ST18: variants seen among roughly 807,000 people sequenced by gnomAD.
ST18 encodes ST18 C2H2C-type zinc finger transcription factor.
ST18 carries 50 observed loss-of-function variants against 110.0 expected under a neutral mutation model. The observed-to-expected ratio is 0.45, with a 90% confidence interval of 0.36 to 0.58. The LOEUF is 0.58. ST18 is among the 20% of genes least tolerant of loss of function. The pLI is 0.00. For synonymous variants in ST18, 461 were observed against 452.4 expected, an observed-to-expected ratio of 1.02 and a Z score of -0.24; for missense variants, 1,306 against 1,280.1, an observed-to-expected ratio of 1.02 and a Z score of -0.31.
At chr8:52,344,106 A>T (rs941579844) in intron 2 of ST18, among the ~76,000 whole-genome samples, 4 of 152,230 alleles carry the variant, frequency 2.6e-5, no homozygotes, top group African/African-American at 9.6e-5. Flanking sequence ...ATACTAAGGT[A>T]CGAAATCAAT....
At position 52,242,504 on chromosome 8, in the gene ST18, C is replaced by A. The variant is rs989991852; in HGVS notation, c.-464-12427G>T. ...GCTGACCTTACCTTATAGACTGTCG[C>A]CTTGGTGACATTGTGAGAATGAAAA... On this transcript the variant is annotated intron_variant, in intron 2 of 25. Coordinates refer to ENST00000689386, the MANE Select transcript of ST18 (RefSeq NM_001352837.2). Among the ~76,000 whole-genome samples the A allele has an allele frequency of 1.2e-4, 19 of 152,228 alleles. 1 individual carries two copies. In the East Asian group the frequency reaches 3.7e-3, roughly 29 times the overall value.
intron 12 of ST18, 101 bp downstream of exon 12, chr8:52,165,034 G>A (rs567422839): frequency 5.4e-6 from 6 of 1,103,990 alleles, no homozygotes; most frequent in African/African-American, 1.5e-5. Context: ...GGACAGTGAT[G>A]CAGCAATTTT....
chr8:52,148,286 G>T (rs932540125), intron 16 of ST18, among the ~76,000 whole-genome samples: 1 of 152,020 alleles, frequency 6.6e-6, no homozygotes, highest in Admixed American at 6.5e-5. Flanking sequence ...ATTTTGAAAA[G>T]CCAAGCAGAA....
Position 52,226,527 on chromosome 8 carries a change from C to T in ST18, c.-419+3505G>A, listed in dbSNP as rs914988349. Among the ~76,000 whole-genome samples, 3 of 152,134 alleles carry T rather than the reference C, an allele frequency of 2.0e-5. No individual in the cohort carries two copies. The East Asian group carries it at 5.8e-4, about 29-fold the overall frequency. ...ATATTAAGTTTCCTCTTTTAAAAAA[C>T]CAATCAGGTATGAAGCCCCACATAA... On this transcript the variant is annotated intron_variant, in intron 3 of 25. Coordinates refer to ENST00000689386, the MANE Select transcript of ST18 (RefSeq NM_001352837.2).
At chr8:52,166,644 C>T (rs2063095558) in intron 11 of ST18, among the ~76,000 whole-genome samples, 2 of 152,332 alleles carry the variant, frequency 1.3e-5, no homozygotes, top group South Asian at 4.1e-4. Context: ...TTTCCTATGG[C>T]AATTGTCTCT....
intron 2 of ST18, among the ~76,000 whole-genome samples, chr8:52,277,493 A>G (rs1180652961): frequency 6.6e-6 from 1 of 152,212 alleles, no homozygotes; most frequent in Non-Finnish European, 1.5e-5. Context: ...AATGTACCAT[A>G]TCATGGTGTT....
At chr8:52,334,128 T>C (rs1163665266) in intron 2 of ST18, among the ~76,000 whole-genome samples, 2 of 152,230 alleles carry the variant, frequency 1.3e-5, no homozygotes, top group African/African-American at 4.8e-5. Flanking sequence ...CTGCCGGATA[T>C]TTGATGCCAC....
chr8:52,219,335 AT>A (rs2085709515), intron 5 of ST18, among the ~76,000 whole-genome samples: 1 of 151,784 alleles, frequency 6.6e-6, no homozygotes, highest in Non-Finnish European at 1.5e-5. Context: ...GTTTTCATGC[AT>A]TTATTAATAA....
intron 2 of ST18, among the ~76,000 whole-genome samples, chr8:52,341,678 A>G (rs1023662752): frequency 1.3e-5 from 2 of 152,208 alleles, no homozygotes; most frequent in Admixed American, 1.3e-4. Flanking sequence ...GAATTTTGCT[A>G]TAAGTAAGAG....
chr8:52,314,743 C>A (rs1404210331), intron 2 of ST18, among the ~76,000 whole-genome samples: 1 of 152,182 alleles, frequency 6.6e-6, no homozygotes, highest in Non-Finnish European at 1.5e-5. Flanking sequence ...ACCAGAGCCT[C>A]CTCTGTGCCC....
At chr8:52,308,677 G>C (rs1430261893) in intron 2 of ST18, among the ~76,000 whole-genome samples, 2 of 152,212 alleles carry the variant, frequency 1.3e-5, no homozygotes. Flanking sequence ...AGGGAGGTGA[G>C]TGGGTTTGGC....
intron 2 of ST18, among the ~76,000 whole-genome samples, chr8:52,272,349 T>C (rs900551129): frequency 1.3e-5 from 2 of 151,306 alleles, no homozygotes; most frequent in Non-Finnish European, 3.0e-5. Context: ...AACTCAATAG[T>C]AAAAAAAAAT....
At chr8:52,154,707 A>G (rs2059609361) in intron 15 of ST18, 1 of 152,144 alleles carries the variant, frequency 6.6e-6, no homozygotes, top group Admixed American at 6.5e-5. Context: ...CATTATATGC[A>G]TCTTACAACC....
At chr8:52,232,158 G>C (rs2091579796) in intron 2 of ST18, among the ~76,000 whole-genome samples, 1 of 152,148 alleles carries the variant, frequency 6.6e-6, no homozygotes, top group Admixed American at 6.5e-5. Flanking sequence ...ATTTGCTCTG[G>C]TTTTAATACT....
Position 52,365,419 on chromosome 8 carries a change from T to C in ST18, c.-465+43909A>G, listed in dbSNP as rs192493887. Among the ~76,000 whole-genome samples, 291 of 152,126 alleles carry C rather than the reference T, an allele frequency of 1.9e-3. 3 individuals carry two copies. Among genetic ancestry groups the C allele is most frequent in the Admixed American group, 0.015 (236 of 15,282 alleles). On this transcript the variant is annotated intron_variant, in intron 2 of 25. Coordinates refer to ENST00000689386, the MANE Select transcript of ST18 (RefSeq NM_001352837.2). ...GGATATGTTTTACAACTTCTTAGCA[T>C]AAAAATGAGGAGTTGAGTTAAGAGT... is the stretch of plus-strand genomic sequence containing the variant.
At position 52,111,516 on chromosome 8, in the gene ST18, G is replaced by T. The variant is rs185473312; in HGVS notation, c.*1682C>A. The T allele has an allele frequency of 4.3e-4, 66 of 152,772 alleles. No homozygotes were observed. The highest frequency in any genetic ancestry group is 4.1e-4 in the Non-Finnish European group (28 of 68,050). 9.5% of individuals were successfully genotyped at this position (152,772 alleles called of 1,614,324 possible). A position where few individuals can be genotyped will look rare whatever the true frequency, so the allele number is the denominator to read the frequency against. On this transcript the variant is annotated 3_prime_UTR_variant, in exon 26 of 26. Coordinates refer to ENST00000689386, the MANE Select transcript of ST18 (RefSeq NM_001352837.2). ...AAACCAAAGATAAGCCCCACTTAAT[G>T]CATAACAATGACCAAAGTTTCATGG...
intron 16 of ST18, among the ~76,000 whole-genome samples, chr8:52,145,683 T>C (rs1318517636): frequency 1.3e-5 from 2 of 152,158 alleles, no homozygotes; most frequent in African/African-American, 4.8e-5. Context: ...ATGTGGTATA[T>C]ATGTGTGTGT....
chr8:52,225,335 T>TG (rs763487702), intron 3 of ST18, among the ~76,000 whole-genome samples: 31 of 152,252 alleles, frequency 2.0e-4, no homozygotes, highest in Admixed American at 6.5e-4. Context: ...TAACACCTTG[T>TG]GGGAAAAAAA....
chr8:52,270,739 G>A (rs73679007), intron 2 of ST18, among the ~76,000 whole-genome samples: 5,932 of 152,054 alleles, frequency 0.039, 412 homozygotes, highest in African/African-American at 0.14. Context: ...CAGGGGTAAG[G>A]GATGATAACT....
Sources: allele counts gnomAD v4.1 joint callset (sites outside exome capture counted in the v4.1 genomes callset), GRCh38; gene constraint gnomAD v4.1.1; transcripts MANE v1.5; gene names NCBI Gene and HGNC (gene_info 2026-07-23, HGNC 2026-07-21).